The following PCDHGB4 variants were observed in gnomAD, a reference collection of about 807,000 sequenced individuals.
The protein encoded by PCDHGB4 is protocadherin gamma subfamily B, 4.
PCDHGB4 carries 38 observed loss-of-function variants against 60.5 expected under a neutral mutation model. The observed-to-expected ratio is 0.63, with a 90% CI of 0.48 to 0.82. The LOEUF is 0.82. PCDHGB4 is among the 40% of genes least tolerant of loss of function. PCDHGB4 has a pLI of 0.00. For synonymous variants in PCDHGB4, 456 were observed against 509.7 expected (o/e 0.89, Z 1.42); for missense variants, 1,109 against 1,209.6 (o/e 0.92, Z 1.23).
At chr5:141,422,664 C>T (rs2096662670) in intron 1 of PCDHGB4, 4 of 1,608,458 alleles carry the variant, frequency 2.5e-6, no homozygotes, top group Non-Finnish European at 3.4e-6. Flanking sequence ...CCGCCCTCGA[C>T]CCGGACAGCA....
chr5:141,511,293 G>A lies in PCDHGB4; in HGVS notation c.*120G>A, dbSNP rs1028501355. On this transcript the variant is annotated 3_prime_UTR_variant, in exon 4 of 4. Coordinates refer to ENST00000519479, the MANE Select transcript of PCDHGB4 (RefSeq NM_003736.4). ...CCCCAGAATACTGGTAGGGGCCAAG[G>A]CCATGCTCCCCTTGGGAAACAGAAA... The A allele has an allele frequency of 3.3e-6, 5 of 1,509,316 alleles. No individual in the cohort carries two copies. In the African/African-American group the frequency reaches 5.6e-5, roughly 17 times the overall value. The allele number at this position is 1,509,316 out of a possible 1,614,324, so 93.5% of individuals were successfully genotyped here.
intron 1 of PCDHGB4, chr5:141,422,579 C>T: frequency 6.2e-7 from 1 of 1,614,052 alleles, no homozygotes; most frequent in Non-Finnish European, 8.5e-7. Flanking sequence ...GATAACCCTC[C>T]CGTTTTTCCT....
Position 141,485,057 on chromosome 5 carries a change from C to T in PCDHGB4, c.2398-9750C>T. 1 of 843,720 alleles carries T rather than the reference C, an allele frequency of 1.2e-6. No individual in the cohort carries two copies. The highest frequency in any genetic ancestry group is 1.9e-6 in the Non-Finnish European group (1 of 524,586). 52.3% of individuals were successfully genotyped at this position (843,720 alleles called of 1,614,324 possible). On this transcript the variant is annotated intron_variant, in intron 1 of 3. Transcript: ENST00000519479. This position sits in a 1 kb window ranked among gnomAD's most constrained non-coding sequence, Gnocchi z 5.7. The stretch of plus-strand genomic sequence containing the variant: ...GTAACCCTTGCGGCGCCGGCCGAAC[C>T]GCGCCAGAGCTGGCGCGGGGAAAGG...
At chr5:141,458,615 G>A (rs2098949624) in intron 1 of PCDHGB4, among the ~76,000 whole-genome samples, 1 of 152,088 alleles carries the variant, frequency 6.6e-6, no homozygotes, top group Admixed American at 6.6e-5. Flanking sequence ...TGTCAGCCAG[G>A]CTGGAGTGCA....
In PCDHGB4 at chr5:141,419,578, G is replaced by A. The variant is rs1339676992; in HGVS notation, c.2397+29297G>A. The A allele has an allele frequency of 1.9e-6, 3 of 1,611,604 alleles. No individual in the cohort carries two copies. In the Admixed American group the frequency reaches 5.0e-5, roughly 27 times the overall value. On this transcript the variant is annotated intron_variant, in intron 1 of 3. Transcript: ENST00000519479. ...CTGCGCTGGGTCCCGACGGCTCCGC[G>A]CTCTTCGACACAGTGCCGCGGGCCG...
chr5:141,394,500 C>T, intron 1 of PCDHGB4: 2 of 1,614,242 alleles, frequency 1.2e-6, no homozygotes, highest in Non-Finnish European at 8.5e-7. Context: ...GCCCGAGATC[C>T]TGTACCCCGC....
chr5:141,400,281 C>G, intron 1 of PCDHGB4: 5 of 1,614,016 alleles, frequency 3.1e-6, no homozygotes, highest in Non-Finnish European at 4.2e-6. Context: ...CCAGCCCTGC[C>G]GCCTGGAGCT....
intron 1 of PCDHGB4, chr5:141,478,437 A>G (rs2099455876): frequency 6.2e-7 from 1 of 1,613,758 alleles, no homozygotes; most frequent in African/African-American, 1.3e-5. Flanking sequence ...CCGCTGCTGA[A>G]GAAACCTGGT....
intron 1 of PCDHGB4, chr5:141,414,483 A>T (rs756254490): frequency 5.6e-6 from 9 of 1,613,826 alleles, no homozygotes; most frequent in Non-Finnish European, 6.8e-6. Flanking sequence ...GTCCTCCTCT[A>T]TCAACGGAAG....
In PCDHGB4 at chr5:141,447,883, C is replaced by T. The variant is rs184337553; in HGVS notation, c.2398-46924C>T. Among the ~76,000 whole-genome samples the T allele has an allele frequency of 3.9e-3, 599 of 152,000 alleles. 3 individuals are homozygous for T. The highest frequency in any genetic ancestry group is 0.014 in the African/African-American group (563 of 41,452). ...GGTGAATCATCTGAGGTCAGGAGTT[C>T]GAGACCAGCCTGGCCAACATGGTGA... On this transcript the variant is annotated intron_variant, in intron 1 of 3. Coordinates refer to ENST00000519479, the MANE Select transcript of PCDHGB4 (RefSeq NM_003736.4).
intron 1 of PCDHGB4, among the ~76,000 whole-genome samples, chr5:141,402,771 G>A (rs2094306356): frequency 6.6e-6 from 1 of 152,218 alleles, no homozygotes; most frequent in African/African-American, 2.4e-5. Context: ...ACTCCATCCG[G>A]ATTTCCAGTT....
At chr5:141,426,639 AATGTGATGATAGAAGATATAAATG>A (rs1418104928) in intron 1 of PCDHGB4, 1 of 407,642 alleles carries the variant, frequency 2.5e-6, no homozygotes, top group Non-Finnish European at 5.0e-6. Context: ...TTTTCACATA[AATGTGATGATAGAAGATATAAATG>A]ATAACCCACC....
chr5:141,497,960 C>T (rs946836523), intron 2 of PCDHGB4, among the ~76,000 whole-genome samples: 24 of 152,202 alleles, frequency 1.6e-4, no homozygotes, highest in African/African-American at 5.8e-4. Flanking sequence ...GTTGGCCAGG[C>T]AGTGTTCTCG....
chr5:141,421,905 A>C, intron 1 of PCDHGB4: 1 of 1,613,752 alleles, frequency 6.2e-7, no homozygotes, highest in Non-Finnish European at 8.5e-7. Context: ...GAAAGGGCGC[A>C]GTTCCCATTC....
At chr5:141,451,019 G>A (rs1348607593) in intron 1 of PCDHGB4, among the ~76,000 whole-genome samples, 7 of 151,274 alleles carry the variant, frequency 4.6e-5, no homozygotes, top group Admixed American at 2.0e-4. Context: ...TAGTAGAGAC[G>A]AGGTTTCACC....
At chr5:141,419,770 G>C in intron 1 of PCDHGB4, 1 of 1,614,006 alleles carries the variant, frequency 6.2e-7, no homozygotes, top group Non-Finnish European at 8.5e-7. Context: ...ACAAGGACTC[G>C]GTCCGCCAGC....
chr5:141,401,235 A>G (rs1444346000), intron 1 of PCDHGB4, among the ~76,000 whole-genome samples: 1 of 152,120 alleles, frequency 6.6e-6, no homozygotes, highest in East Asian at 1.9e-4. Context: ...CCAGCTACTC[A>G]GGAGGCTAAG....
Position 141,432,147 on chromosome 5 carries a change from A to G in PCDHGB4, c.2397+41866A>G. 6.2e-7 allele frequency: 1 copy of G among 1,614,066 alleles called. No individual in the cohort carries two copies. The highest frequency in any genetic ancestry group is 8.5e-7 in the Non-Finnish European group (1 of 1,179,998). ...GCCTCCTATTCCGCTTATATCCCAG[A>G]GAACAATCCCAGAGGAGTTTCCCTC... On this transcript the variant is annotated intron_variant, in intron 1 of 3. Transcript: ENST00000519479. The surrounding 1 kb of genome is among the most constrained non-coding windows in gnomAD (Gnocchi z 6.0).
At chr5:141,422,786 C>T in intron 1 of PCDHGB4, 1 of 1,614,178 alleles carries the variant, frequency 6.2e-7, no homozygotes, top group Non-Finnish European at 8.5e-7. Context: ...GCCCTACAAT[C>T]CTTCGACTAT....
Sources: allele counts gnomAD v4.1 joint callset (sites outside exome capture counted in the v4.1 genomes callset), GRCh38; gene constraint gnomAD v4.1.1; non-coding constraint Gnocchi (gnomAD v3.1); transcripts MANE v1.5; gene names NCBI Gene and HGNC (gene_info 2026-07-23, HGNC 2026-07-21).